ADGRL2: variants seen among roughly 807,000 people sequenced by gnomAD.
ADGRL2 encodes the protein adhesion G protein-coupled receptor L2, also known as calcium-independent alpha-latrotoxin receptor 2.
A neutral mutation model predicts 157.4 loss-of-function variants in ADGRL2; 44 were observed. The ratio of observed to expected loss-of-function variants is 0.28; its 90% CI spans 0.22 to 0.36. The LOEUF (loss-of-function observed/expected upper bound fraction) is 0.36. ADGRL2 is among the 10% of genes least tolerant of loss of function. The probability of loss-of-function intolerance (pLI) is 1.00; values close to 1 mark genes in which losing one functional copy is unlikely to be tolerated. For missense variants in ADGRL2, 1,510 were observed against 1,768.9 expected (o/e 0.85, Z 2.63); for synonymous variants, 585 against 624.7 (o/e 0.94, Z 0.95).
intron 2 of ADGRL2, among the ~76,000 whole-genome samples, chr1:81,472,555 AG>A (rs1333818503): frequency 6.6e-6 from 1 of 152,056 alleles, no homozygotes; most frequent in Admixed American, 6.6e-5. Context: ...CTCTTGAACC[AG>A]GGAGGTGGGG....
intron 2 of ADGRL2, among the ~76,000 whole-genome samples, chr1:81,537,497 G>A (rs927163691): frequency 4.6e-5 from 7 of 151,822 alleles, no homozygotes; most frequent in African/African-American, 1.7e-4. Context: ...CGTTGGTCAG[G>A]CTGGTCTGGG....
At chr1:81,456,234 T>C (rs938540706) in intron 2 of ADGRL2, among the ~76,000 whole-genome samples, 12 of 152,074 alleles carry the variant, frequency 7.9e-5, no homozygotes, top group Admixed American at 6.6e-4. Context: ...TCCTTTCTCT[T>C]TTTTTAAGAG....
At chr1:81,567,007 G>A (rs1344656484) in intron 2 of ADGRL2, among the ~76,000 whole-genome samples, 2 of 152,042 alleles carry the variant, frequency 1.3e-5, no homozygotes, top group Admixed American at 6.6e-5. Context: ...CGTAGTATCT[G>A]TATATGCAAA....
At chr1:81,863,226 C>T (rs2093439905) in intron 2 of ADGRL2, among the ~76,000 whole-genome samples, 1 of 151,960 alleles carries the variant, frequency 6.6e-6, no homozygotes, top group Non-Finnish European at 1.5e-5. Context: ...CACTTTGGGC[C>T]CTGTCATATA....
intron 17 of ADGRL2, among the ~76,000 whole-genome samples, chr1:81,975,596 G>A (rs1321518183): frequency 6.6e-6 from 1 of 151,426 alleles, no homozygotes; most frequent in Non-Finnish European, 1.5e-5. Flanking sequence ...AATAAATTGG[G>A]CAAAAGTAAA....
chr1:81,847,993 A>G (rs1557766036), intron 2 of ADGRL2, among the ~76,000 whole-genome samples: 1 of 151,800 alleles, frequency 6.6e-6, no homozygotes, highest in Non-Finnish European at 1.5e-5. Flanking sequence ...TTAACTGGTC[A>G]TTAAAAATGG....
At chr1:81,720,292 C>A (rs1171669435) in intron 1 of ADGRL2, among the ~76,000 whole-genome samples, 1 of 150,468 alleles carries the variant, frequency 6.6e-6, no homozygotes, top group African/African-American at 2.4e-5. Flanking sequence ...AAGTGATTCT[C>A]CAGCCTCCCG....
chr1:81,886,413 G>T lies in ADGRL2; in HGVS notation c.74-20604G>T, dbSNP rs550579717. On this transcript the variant is annotated intron_variant, in intron 2 of 23. Coordinates refer to ENST00000686636, the MANE Select transcript of ADGRL2 (RefSeq NM_001366006.2). ...TTTCGATCTCCTGACCTCGTGATCT[G>T]CCCGTCTCGGCTTCCCAAAGTGCTG... Among the ~76,000 whole-genome samples, 10 of 152,222 alleles carry T rather than the reference G, an allele frequency of 6.6e-5. No individual in the cohort carries two copies. The South Asian group carries it at 2.1e-3, about 31-fold the overall frequency.
At chr1:81,452,101 G>C (rs898865980) in intron 2 of ADGRL2, among the ~76,000 whole-genome samples, 4 of 152,000 alleles carry the variant, frequency 2.6e-5, no homozygotes, top group African/African-American at 9.7e-5. Context: ...TAACAAGACT[G>C]TCGTTTTTTT....
At chr1:81,541,501 G>A (rs1335229751) in intron 2 of ADGRL2, among the ~76,000 whole-genome samples, 2 of 151,948 alleles carry the variant, frequency 1.3e-5, no homozygotes, top group African/African-American at 2.4e-5. Context: ...CACCCACATT[G>A]GCAAACACCT....
At chr1:81,599,012 C>T (rs999615066) in intron 3 of ADGRL2, among the ~76,000 whole-genome samples, 1 of 152,118 alleles carries the variant, frequency 6.6e-6, no homozygotes, top group African/African-American at 2.4e-5. Flanking sequence ...TATAGGGTAG[C>T]ATAAGGTTCA....
chr1:81,756,802 CT>C (rs1201044094), intron 1 of ADGRL2, among the ~76,000 whole-genome samples: 1 of 152,050 alleles, frequency 6.6e-6, no homozygotes, highest in East Asian at 1.9e-4. Flanking sequence ...CCTTTTCTGA[CT>C]TCTTAAATTT....
intron 2 of ADGRL2, among the ~76,000 whole-genome samples, chr1:81,543,100 G>A (rs1267749048): frequency 2.0e-5 from 3 of 151,568 alleles, no homozygotes; most frequent in Admixed American, 2.0e-4. Flanking sequence ...CTAGCATGTA[G>A]GACTGTATTT....
chr1:81,609,012 A>G (rs2148662671), intron 3 of ADGRL2, among the ~76,000 whole-genome samples: 1 of 151,776 alleles, frequency 6.6e-6, no homozygotes, highest in Non-Finnish European at 1.5e-5. Flanking sequence ...GAGGAGAACT[A>G]AATAAGTAAG....
chr1:81,889,799 A>C (rs1299905793), intron 2 of ADGRL2, among the ~76,000 whole-genome samples: 1 of 152,190 alleles, frequency 6.6e-6, no homozygotes, highest in Non-Finnish European at 1.5e-5. Flanking sequence ...GGGCTAATGC[A>C]GCTGGTGACT....
At chr1:81,323,635 C>A (rs559376675) in intron 1 of ADGRL2, among the ~76,000 whole-genome samples, 15 of 151,764 alleles carry the variant, frequency 9.9e-5, no homozygotes, top group African/African-American at 3.4e-4. Flanking sequence ...CACAAAGAAA[C>A]CTTTGATAAC....
At chr1:81,643,393 G>C (rs532868285) in intron 3 of ADGRL2, among the ~76,000 whole-genome samples, 17 of 152,202 alleles carry the variant, frequency 1.1e-4, no homozygotes, top group African/African-American at 4.1e-4. Context: ...GCTCACTGCA[G>C]CCTTGAACTC....
intron 1 of ADGRL2, among the ~76,000 whole-genome samples, chr1:81,829,648 CTTT>C (rs34950882): frequency 6.6e-6 from 1 of 152,078 alleles, no homozygotes; most frequent in Non-Finnish European, 1.5e-5. Flanking sequence ...ACAGTTGCTT[CTTT>C]TTAAGATATG....
chr1:81,493,876 G>A (rs1333720784), intron 2 of ADGRL2, among the ~76,000 whole-genome samples: 2 of 152,140 alleles, frequency 1.3e-5, no homozygotes, highest in African/African-American at 4.8e-5. Flanking sequence ...TACTTGGGGA[G>A]AGGGCTTATT....
Sources: gnomAD v4.1 joint callset for allele counts (sites outside exome capture counted in the v4.1 genomes callset) on GRCh38, gnomAD v4.1.1 for gene constraint, MANE v1.5 for transcripts, NCBI Gene and HGNC (gene_info 2026-07-23, HGNC 2026-07-21) for gene names.